Variants in ARHGEF10L observed in about 807,000 individuals in gnomAD.
ARHGEF10L encodes the protein Rho guanine nucleotide exchange factor 10 like.
In ARHGEF10L, 69 loss-of-function variants were observed where a neutral mutation model predicts 141.2. That is an observed-to-expected ratio of 0.49 (90% confidence interval 0.40 to 0.60). ARHGEF10L has a LOEUF of 0.60. Ranked by LOEUF, ARHGEF10L falls within the 20% of genes least tolerant of loss-of-function variation. The pLI is 0.00. For missense variants in ARHGEF10L, 1,482 were observed against 1,734.3 expected, an observed-to-expected ratio of 0.85 and a Z score of 2.58; for synonymous variants, 711 against 718.5, an observed-to-expected ratio of 0.99 and a Z score of 0.17.
rs1271881929 is a variant in ARHGEF10L, at chr1:17,619,596, T to C, written c.942+151T>C. ...AGAGCCCAGCTGGATAGGGGCCTCCTAGGTTCTCTCCTCAGCTATTGAACA... is the reference window on the plus strand; with the variant it reads ...AGAGCCCAGCTGGATAGGGGCCTCCCAGGTTCTCTCCTCAGCTATTGAACA... On this transcript the variant is annotated intron_variant, in intron 10 of 28. Coordinates refer to ENST00000361221, the MANE Select transcript of ARHGEF10L (RefSeq NM_018125.4). This position sits in a 1 kb window ranked among gnomAD's most constrained non-coding sequence, Gnocchi z 5.0. 8.0e-6 allele frequency: 5 copies of C among 627,300 alleles called. No individual in the cohort carries two copies. Among genetic ancestry groups the C allele is most frequent in the Non-Finnish European group, 1.4e-5 (5 of 366,796 alleles). The allele number at this position is 627,300 out of a possible 1,614,324, so 38.9% of individuals were successfully genotyped here. A position where few individuals can be genotyped will look rare whatever the true frequency, so the allele number is the denominator to read the frequency against.
At chr1:17,518,973 C>A in the ARHGEF10L span, among the ~76,000 whole-genome samples, 1 of 151,040 alleles carries the variant, frequency 6.6e-6, no homozygotes, top group African/African-American at 2.4e-5. Context: ...AGTTCGAGAC[C>A]AGCCCCAGCC....
chr1:17,694,566 T>C, intron 27 of ARHGEF10L: 1 of 230,900 alleles, frequency 4.3e-6, no homozygotes, highest in South Asian at 5.1e-5. Flanking sequence ...ACATGCTGCT[T>C]CCCACCAGCG....
intron 26 of ARHGEF10L, among the ~76,000 whole-genome samples, chr1:17,674,365 A>G (rs966113857): frequency 1.3e-5 from 2 of 152,188 alleles, no homozygotes; most frequent in Non-Finnish European, 2.9e-5. Context: ...AGCGAGCTTC[A>G]TAGAGTGGGT....
the ARHGEF10L span, among the ~76,000 whole-genome samples, chr1:17,531,373 G>T: frequency 1.3e-5 from 2 of 152,172 alleles, no homozygotes; most frequent in South Asian, 4.1e-4. Flanking sequence ...AGGCTTTCGG[G>T]TCTCAGAAGA....
the ARHGEF10L span, among the ~76,000 whole-genome samples, chr1:17,525,759 T>G: frequency 6.6e-6 from 1 of 151,702 alleles, no homozygotes; most frequent in African/African-American, 2.4e-5. Flanking sequence ...TCCCAGCACT[T>G]TGGGGGGCTG....
intron 28 of ARHGEF10L, among the ~76,000 whole-genome samples, chr1:17,695,663 G>C (rs2065442480): frequency 6.6e-6 from 1 of 152,220 alleles, no homozygotes; most frequent in African/African-American, 2.4e-5. Context: ...TGGGGTCCAT[G>C]TGCAAATGAA....
chr1:17,646,010 ACT>A (rs546473402), intron 21 of ARHGEF10L, among the ~76,000 whole-genome samples: 59 of 152,010 alleles, frequency 3.9e-4, no homozygotes, highest in African/African-American at 5.8e-4. Flanking sequence ...GTCTTACATG[ACT>A]CTGTTTCCAG....
chr1:17,570,946 G>A (rs746591317), intron 1 of ARHGEF10L, among the ~76,000 whole-genome samples: 1 of 152,126 alleles, frequency 6.6e-6, no homozygotes, highest in Non-Finnish European at 1.5e-5. Context: ...GGGAGGAGCA[G>A]GGTTCTTTGT....
chr1:17,687,822 G>A, intron 27 of ARHGEF10L, 75 bp downstream of exon 27: 36 of 1,442,136 alleles, frequency 2.5e-5, no homozygotes, highest in Non-Finnish European at 3.3e-5. Context: ...TGTGACCTGG[G>A]CAGCCCATCC....
At chr1:17,594,182 C>G (rs2079858359) in intron 4 of ARHGEF10L, among the ~76,000 whole-genome samples, 1 of 152,030 alleles carries the variant, frequency 6.6e-6, no homozygotes, top group Admixed American at 6.6e-5. Context: ...ATGCTGCGCT[C>G]TGAGAGCTTT....
At chr1:17,593,546 C>T (rs2079785345) in intron 4 of ARHGEF10L, among the ~76,000 whole-genome samples, 1 of 152,034 alleles carries the variant, frequency 6.6e-6, no homozygotes, top group African/African-American at 2.4e-5. Context: ...ACGCTCCTGG[C>T]CTTGGAAATG....
In ARHGEF10L at chr1:17,610,319, C is replaced by G. The variant is rs183482480; in HGVS notation, c.609+2342C>G. ...TCCAAGAAATGCTGGGCTGTACTCA[C>G]CATGGCCTGGCCCTGGGACCTCTGG... On this transcript the variant is annotated intron_variant, in intron 7 of 28. Transcript: ENST00000361221. Among the ~76,000 whole-genome samples, 305 of 152,366 alleles carry G rather than the reference C, an allele frequency of 2.0e-3. 1 individual carries two copies. Among genetic ancestry groups the G allele is most frequent in the Middle Eastern group, 0.01 (3 of 294 alleles).
chr1:17,691,893 C>G (rs1473613627), intron 27 of ARHGEF10L, among the ~76,000 whole-genome samples: 2 of 152,182 alleles, frequency 1.3e-5, no homozygotes, highest in East Asian at 1.9e-4. Flanking sequence ...GAGAGTCTAC[C>G]ATGAGCCAAG....
chr1:17,687,501 G>T, intron 26 of ARHGEF10L, 72 bp from the exon 27 acceptor site: 1 of 1,550,594 alleles, frequency 6.4e-7, no homozygotes, highest in Non-Finnish European at 8.8e-7. Flanking sequence ...GGCTGGCCCA[G>T]GGGTGGGGGC....
At chr1:17,674,870 C>G (rs1382993709) in intron 26 of ARHGEF10L, among the ~76,000 whole-genome samples, 1 of 152,184 alleles carries the variant, frequency 6.6e-6, no homozygotes, top group East Asian at 1.9e-4. Context: ...CTAGGAGCAA[C>G]AGGCTGTACA....
Position 17,539,846 on chromosome 1 carries a change from G to A in ARHGEF10L, c.-148G>A, listed in dbSNP as rs893529711. The A allele has an allele frequency of 1.8e-3, 262 of 147,916 alleles. 4 individuals carry two copies. The highest frequency in any genetic ancestry group is 6.2e-3 in the African/African-American group (253 of 40,966). 9.2% of individuals were successfully genotyped at this position (147,916 alleles called of 1,614,324 possible). ...CTGCGGCGGTGGGGGCGCCGTCCCG[G>A]CCATGGGCGCCCGCGGCGGCCTGCG... On this transcript the variant is annotated 5_prime_UTR_variant, in exon 1 of 29. Coordinates refer to ENST00000361221, the MANE Select transcript of ARHGEF10L (RefSeq NM_018125.4). The surrounding 1 kb of genome is among the most constrained non-coding windows in gnomAD (Gnocchi z 6.0).
At chr1:17,648,008 G>A (rs537537464) in intron 21 of ARHGEF10L, among the ~76,000 whole-genome samples, 1 of 152,136 alleles carries the variant, frequency 6.6e-6, no homozygotes, top group Non-Finnish European at 1.5e-5. Flanking sequence ...TTTCAGGGTT[G>A]TCTTGAAGGA....
Position 17,623,189 on chromosome 1 carries a change from A to G in ARHGEF10L, c.1200+14A>G, listed in dbSNP as rs754694635. ...TTCGTGGCCTCGGTAAGTGTCCCCA[A>G]ACTTTTTCCCCAGCCCACCAAGGTA... On this transcript the variant is annotated intron_variant, in intron 12 of 28. Coordinates refer to ENST00000361221, the MANE Select transcript of ARHGEF10L (RefSeq NM_018125.4). This position sits in a 1 kb window ranked among gnomAD's most constrained non-coding sequence, Gnocchi z 4.7. 4.5e-5 allele frequency: 72 copies of G among 1,609,172 alleles called. No homozygotes were observed. Among genetic ancestry groups the G allele is most frequent in the Middle Eastern group, 3.3e-4 (2 of 6,044 alleles).
In ARHGEF10L at chr1:17,623,236, CG is replaced by C; in HGVS notation, c.1200+65del. 3.2e-6 allele frequency: 5 copies of C among 1,563,736 alleles called. No homozygotes were observed. In the South Asian group the frequency reaches 4.8e-5, roughly 15 times the overall value. On this transcript the variant is annotated intron_variant, in intron 12 of 28. Transcript: ENST00000361221. This position sits in a 1 kb window ranked among gnomAD's most constrained non-coding sequence, Gnocchi z 4.7. The stretch of plus-strand genomic sequence containing the variant: ...GGTAAAACCACAACCAGTCTGACCC[CG>C]GGGCCATGCAGTCCAGCCTCCTGCC...
Sources: gnomAD v4.1 joint callset for allele counts (sites outside exome capture counted in the v4.1 genomes callset) on GRCh38, gnomAD v4.1.1 for gene constraint, Gnocchi (gnomAD v3.1) non-coding constraint, MANE v1.5 for transcripts, NCBI Gene and HGNC (gene_info 2026-07-23, HGNC 2026-07-21) for gene names.